GTF2IRD1: variants seen among roughly 807,000 people sequenced by gnomAD.
The protein encoded by GTF2IRD1 is general transcription factor II-I repeat domain-containing protein 1.
In GTF2IRD1, 26 loss-of-function variants were observed where a neutral mutation model predicts 113.2. The observed-to-expected ratio is 0.23, with a 90% CI of 0.17 to 0.32. The LOEUF (loss-of-function observed/expected upper bound fraction) is 0.32, where lower values mean the gene tolerates loss of function less well. Ranked by LOEUF, GTF2IRD1 falls within the 10% of genes least tolerant of loss-of-function variation. GTF2IRD1 has a pLI of 1.00. For synonymous variants in GTF2IRD1, 484 were observed against 529.1 expected (o/e 0.91, Z 1.17); for missense variants, 864 against 1,280.8 (o/e 0.67, Z 4.97).
At chr7:74,455,384 T>C (rs1792900848) in intron 1 of GTF2IRD1, among the ~76,000 whole-genome samples, 1 of 152,216 alleles carries the variant, frequency 6.6e-6, no homozygotes, top group Non-Finnish European at 1.5e-5. Context: ...GCCGCTGCCA[T>C]GGTCGGCCTC....
At position 74,532,206 on chromosome 7, in the gene GTF2IRD1, G is replaced by A. The variant is rs374824315; in HGVS notation, c.1274+2289G>A. ...TGGTGTAAGTCCCTGATGCTGTCTC[G>A]AACCCACATCTCCCCGACCCTGTTC... On this transcript the variant is annotated intron_variant, in intron 9 of 26. Coordinates refer to ENST00000424337, the MANE Select transcript of GTF2IRD1 (RefSeq NM_005685.4). 1.8e-4 allele frequency among the ~76,000 whole-genome samples: 27 copies of A among 151,508 alleles called. No individual in the cohort carries two copies. In the East Asian group the frequency reaches 2.5e-3, roughly 14 times the overall value.
intron 10 of GTF2IRD1, among the ~76,000 whole-genome samples, chr7:74,535,699 C>G (rs1026747401): frequency 6.6e-6 from 1 of 152,202 alleles, no homozygotes; most frequent in Admixed American, 6.5e-5. Context: ...TCCCGCCTCC[C>G]ACCAGCTGTG....
intron 14 of GTF2IRD1, among the ~76,000 whole-genome samples, chr7:74,543,132 G>A (rs782770847): frequency 2.6e-5 from 4 of 152,016 alleles, no homozygotes; most frequent in Admixed American, 2.0e-4. Context: ...GCGAAACTCC[G>A]TCTCCACTAA....
chr7:74,461,764 A>G (rs1295901230), intron 1 of GTF2IRD1, among the ~76,000 whole-genome samples: 1 of 152,044 alleles, frequency 6.6e-6, no homozygotes, highest in African/African-American at 2.4e-5. Context: ...TTTTTAGTAG[A>G]GATGGGGTTT....
At chr7:74,521,170 T>G (rs1424075208) in intron 6 of GTF2IRD1, 38 bp from the exon 7 acceptor site, 3 of 1,250,540 alleles carry the variant, frequency 2.4e-6, no homozygotes, top group Non-Finnish European at 3.5e-6. Flanking sequence ...CCCTCTTGGG[T>G]CCCACCTGGA....
intron 13 of GTF2IRD1, among the ~76,000 whole-genome samples, 179 bp from the exon 14 acceptor site, chr7:74,539,700 C>T (rs587678343): frequency 3.6e-4 from 55 of 151,914 alleles, no homozygotes; most frequent in African/African-American, 1.2e-3. Context: ...GCCAAGATGG[C>T]GCCACTGCAC....
At position 74,602,409 on chromosome 7, in the gene GTF2IRD1, G is replaced by T. The variant is rs1217414961; in HGVS notation, c.2811G>T (p.Gln937His). Reference protein sequence around the residue: ...YMVDYAGLNVQLPGPLNY With the variant: ...YMVDYAGLNVHLPGPLNY ...TGGACTATGCCGGCCTGAACGTGCA[G>T]CTCCCGGGACCTCTTAATTACTAGA... Residue 937 changes from glutamine (Q) to histidine (H), a missense_variant, in exon 27 of 27, where the codon CAG becomes CAT. Gln to His is a conservative substitution (Grantham distance 24). Around this residue, in one of 7 missense-constraint regions of GTF2IRD1, gnomAD observed 18 missense variants for 35.7 expected, o/e 0.50. Coordinates refer to ENST00000424337, the MANE Select transcript of GTF2IRD1 (RefSeq NM_005685.4). The T allele has an allele frequency of 6.2e-7, 1 of 1,613,616 alleles. No homozygotes were observed. Among genetic ancestry groups the T allele is most frequent in the African/African-American group, 1.3e-5 (1 of 74,876 alleles).
intron 11 of GTF2IRD1, 41 bp from the exon 12 acceptor site, chr7:74,538,095 G>A: frequency 6.2e-7 from 1 of 1,605,724 alleles, no homozygotes; most frequent in Non-Finnish European, 8.5e-7. Context: ...GGGTGGCCCT[G>A]GACTTGGCTG....
At chr7:74,515,332 C>T in intron 3 of GTF2IRD1, 109 bp from the exon 4 acceptor site, 4 of 1,529,846 alleles carry the variant, frequency 2.6e-6, no homozygotes, top group Non-Finnish European at 3.5e-6. Flanking sequence ...TTGTGTATCA[C>T]ATTGTGTGCC....
chr7:74,594,719 A>G (rs1302045263), intron 24 of GTF2IRD1, among the ~76,000 whole-genome samples: 1 of 152,094 alleles, frequency 6.6e-6, no homozygotes, highest in Admixed American at 6.6e-5. Flanking sequence ...TGGGAGGTGG[A>G]GGCAGGCAGA....
chr7:74,469,097 A>T (rs1793930661), intron 1 of GTF2IRD1, among the ~76,000 whole-genome samples: 1 of 151,636 alleles, frequency 6.6e-6, no homozygotes, highest in South Asian at 2.1e-4. Context: ...AAAAAAAAAA[A>T]ATATGGAAGG....
At position 74,515,596 on chromosome 7, in the gene GTF2IRD1, A is replaced by G; in HGVS notation, c.421A>G (p.Ser141Gly). 1 of 1,606,038 alleles carries G rather than the reference A, an allele frequency of 6.2e-7. No individual in the cohort carries two copies. The highest frequency in any genetic ancestry group is 8.5e-7 in the Non-Finnish European group (1 of 1,173,836). Residue 141 changes from serine to glycine, a missense_variant and splice_region_variant, in exon 4 of 27, where the codon AGC (serine) becomes GGC (glycine). Physicochemically the swap from Ser to Gly is moderately conservative, Grantham distance 56. Coordinates refer to ENST00000424337, the MANE Select transcript of GTF2IRD1 (RefSeq NM_005685.4). The part of the protein sequence containing the change: ...MVEEVFDVLY[S>G]EALGRASVVP... ...AGAGGAGGTGTTTGATGTTCTTTAT[A>G]GTAAGATCCTTCCTCATTCCATTTG...
chr7:74,519,362 G>A, intron 5 of GTF2IRD1, 47 bp from the exon 6 acceptor site: 2 of 1,356,174 alleles, frequency 1.5e-6, no homozygotes, highest in Non-Finnish European at 2.0e-6. Context: ...GCTGCAATGT[G>A]TGAAACAGAT....
Position 74,592,924 on chromosome 7 carries a change from C to G in GTF2IRD1, c.2591+1907C>G, listed in dbSNP as rs587764889. On this transcript the variant is annotated intron_variant, in intron 24 of 26. Transcript: ENST00000424337. ...CCTGGCTGGAGTGCAGTGCCGTCAT[C>G]TTGGCTCACTGTAACCTCTGCCTCT... Among the ~76,000 whole-genome samples the G allele has an allele frequency of 1.2e-4, 18 of 152,196 alleles. No homozygotes were observed. The South Asian group carries it at 1.9e-3, about 16-fold the overall frequency.
chr7:74,574,009 G>A (rs1484317050), intron 22 of GTF2IRD1, among the ~76,000 whole-genome samples: 1 of 152,172 alleles, frequency 6.6e-6, no homozygotes, highest in Non-Finnish European at 1.5e-5. Context: ...TTGAGACAGA[G>A]TTGCGCTCTT....
At position 74,555,163 on chromosome 7, in the gene GTF2IRD1, G is replaced by A. The variant is rs1799519000; in HGVS notation, c.1917-11G>A. ...AGGGACCTCTGTGATAGCCTCGCTT[G>A]TGTTTTCCAGGCCCGAGCTGCTCAC... On this transcript the variant is annotated splice_polypyrimidine_tract_variant and intron_variant, in intron 17 of 26. Transcript: ENST00000424337. This position sits in a 1 kb window ranked among gnomAD's most constrained non-coding sequence, Gnocchi z 5.3. 6.2e-7 allele frequency: 1 copy of A among 1,613,358 alleles called. No individual in the cohort carries two copies. The highest frequency in any genetic ancestry group is 1.3e-5 in the African/African-American group (1 of 75,044).
chr7:74,527,774 G>T (rs1797692051), intron 8 of GTF2IRD1, among the ~76,000 whole-genome samples: 1 of 152,174 alleles, frequency 6.6e-6, no homozygotes, highest in Non-Finnish European at 1.5e-5. Flanking sequence ...CCCAGTCAGG[G>T]AGTTTGCAGT....
chr7:74,549,935 C>T (rs1554354497), intron 17 of GTF2IRD1, among the ~76,000 whole-genome samples: 1 of 152,046 alleles, frequency 6.6e-6, no homozygotes, highest in East Asian at 1.9e-4. Flanking sequence ...ACTCTGGAGG[C>T]TGAGGCAGGA....
At chr7:74,556,239 A>G (rs1799586443) in intron 19 of GTF2IRD1, among the ~76,000 whole-genome samples, 1 of 151,036 alleles carries the variant, frequency 6.6e-6, no homozygotes, top group Non-Finnish European at 1.5e-5. Context: ...GTGACAGAGC[A>G]AGACCCTGTC....
Sources: gnomAD v4.1 joint callset for allele counts (sites outside exome capture counted in the v4.1 genomes callset) on GRCh38, gnomAD v4.1.1 for gene constraint, gnomAD v4.1.1 regional missense constraint, Gnocchi (gnomAD v3.1) non-coding constraint, MANE v1.5 for transcripts, NCBI Gene and HGNC (gene_info 2026-07-23, HGNC 2026-07-21) for gene names.